The following SQLE variants were observed in gnomAD, a reference collection of about 807,000 sequenced individuals.
The protein encoded by SQLE is squalene monooxygenase.
In SQLE, 29 loss-of-function variants were observed where a neutral mutation model predicts 60.7. That is an observed-to-expected ratio of 0.48 (90% CI 0.36 to 0.65). The LOEUF is 0.65. Ranked by LOEUF, SQLE falls within the 30% of genes least tolerant of loss-of-function variation. The pLI is 0.00. For synonymous variants in SQLE, 237 were observed against 246.8 expected (o/e 0.96, Z 0.37); for missense variants, 605 against 684.1 (o/e 0.88, Z 1.29).
At chr8:125,000,222 A>C (rs889915115) in intron 1 of SQLE, among the ~76,000 whole-genome samples, 3 of 152,206 alleles carry the variant, frequency 2.0e-5, no homozygotes, top group South Asian at 4.1e-4. Flanking sequence ...AAATGCTTGT[A>C]GTAATGTCCT....
chr8:125,005,838 ACTGT>A (rs1251952706), intron 3 of SQLE, 133 bp downstream of exon 3: 9 of 615,666 alleles, frequency 1.5e-5, no homozygotes, highest in Admixed American at 4.2e-5. Context: ...ATTAAAATAA[ACTGT>A]CAGTCAAAAG....
chr8:125,012,516 G>A (rs1815053111), intron 7 of SQLE, among the ~76,000 whole-genome samples: 2 of 152,188 alleles, frequency 1.3e-5, no homozygotes, highest in African/African-American at 2.4e-5. Context: ...GTATAGTAAA[G>A]CCCTTTGGAA....
At position 125,005,521 on chromosome 8, in the gene SQLE, G is replaced by A. The variant is rs75209191; in HGVS notation, c.545-4G>A. 567 of 1,579,460 alleles carry A rather than the reference G, an allele frequency of 3.6e-4. 1 individual carries two copies. The African/African-American group carries it at 5.4e-3, about 15-fold the overall frequency. On this transcript the variant is annotated splice_polypyrimidine_tract_variant and splice_region_variant and intron_variant, in intron 2 of 10. Transcript: ENST00000265896. ...TGATTGTTTTGAACTCGATTGCTTT[G>A]CAGATACAGTGGAAGGTCTTGATGC...
chr8:125,018,763 T>C lies in SQLE; in HGVS notation c.1444+36T>C, dbSNP rs139683478. 181 of 1,343,260 alleles carry C rather than the reference T, an allele frequency of 1.3e-4. 1 individual carries two copies. In the African/African-American group the frequency reaches 2.0e-3, roughly 15 times the overall value. 83.2% of individuals were successfully genotyped at this position (1,343,260 alleles called of 1,614,324 possible). ...ACACTTTTTAGTGAATATTACTCAA[T>C]TGCAGATTTTTAGCGTAGGAAAGGA... is the stretch of plus-strand genomic sequence containing the variant. On this transcript the variant is annotated intron_variant, in intron 9 of 10. Transcript: ENST00000265896.
At position 124,998,810 on chromosome 8, in the gene SQLE, T is replaced by TCGGCGC. The variant is rs1423391152; in HGVS notation, c.-594_-593insCGGCGC. 8.1e-6 allele frequency: 4 copies of TCGGCGC among 495,876 alleles called. No homozygotes were observed. In the African/African-American group the frequency reaches 8.1e-5, roughly 10 times the overall value. 30.7% of individuals were successfully genotyped at this position (495,876 alleles called of 1,614,324 possible). On this transcript the variant is annotated 5_prime_UTR_variant, in exon 1 of 11. Coordinates refer to ENST00000265896, the MANE Select transcript of SQLE (RefSeq NM_003129.4). The stretch of plus-strand genomic sequence containing the variant: ...TCTTTTGTTGGAGAAGGCGTCGGCG[T>TCGGCGC]TGGCGTTTTCCCGAGGTTGGGCTGT...
Position 125,013,356 on chromosome 8 carries a change from C to CTTTTTCTTTTTTTTTTTTTTTTTTT in SQLE, c.1204+1729_1204+1730insCTTTTTTTTTTTTTTTTTTTTTTTT, listed in dbSNP as rs71576761. The stretch of plus-strand genomic sequence containing the variant: ...AGATTTACTCCTATGTTTTCTTTTT[C>CTTTTTCTTTTTTTTTTTTTTTTTTT]TTTTTTTTTTTTTGAGATGGAGTTT... On this transcript the variant is annotated intron_variant, in intron 7 of 10. Coordinates refer to ENST00000265896, the MANE Select transcript of SQLE (RefSeq NM_003129.4). 5.1e-5 allele frequency among the ~76,000 whole-genome samples: 7 copies of CTTTTTCTTTTTTTTTTTTTTTTTTT among 136,442 alleles called. 1 individual carries two copies. Among genetic ancestry groups the CTTTTTCTTTTTTTTTTTTTTTTTTT allele is most frequent in the African/African-American group, 1.7e-4 (6 of 35,130 alleles). 89.5% of individuals were successfully genotyped at this position (136,442 alleles called of 152,430 possible).
chr8:125,002,971 GA>G (rs1814880948), intron 1 of SQLE, among the ~76,000 whole-genome samples: 1 of 152,190 alleles, frequency 6.6e-6, no homozygotes, highest in Admixed American at 6.5e-5. Context: ...GGGATAATAT[GA>G]CACACTTTTA....
In SQLE at chr8:125,011,968, A is replaced by C. The variant is rs1046676849; in HGVS notation, c.1204+336A>C. ...AAGAAGTGTGCAGAGCAGGGAGGGA[A>C]GCTTGTGAAATGGGAGGGGTAGTTA... On this transcript the variant is annotated intron_variant, in intron 7 of 10. Transcript: ENST00000265896. 4.0e-5 allele frequency among the ~76,000 whole-genome samples: 6 copies of C among 151,570 alleles called. No homozygotes were observed. In the East Asian group the frequency reaches 1.2e-3, roughly 29 times the overall value.
At chr8:124,999,853 C>T in intron 1 of SQLE, 159 bp downstream of exon 1, 3 of 925,678 alleles carry the variant, frequency 3.2e-6, no homozygotes, top group Non-Finnish European at 4.8e-6. Context: ...GCCTTGGTTA[C>T]ATCTTTGACC....
rs180678646 is a variant in SQLE at position 125,016,379 on chromosome 8, A to G, written c.1205-1680A>G. ...TTCTTTCTTCTGCTTGATCAGTTCT[A>G]CTGTTGAGATTCTGCCATGTTCTTC... On this transcript the variant is annotated intron_variant, in intron 7 of 10. Transcript: ENST00000265896. This position sits in a 1 kb window ranked among gnomAD's most constrained non-coding sequence, Gnocchi z 4.1. Among the ~76,000 whole-genome samples the G allele has an allele frequency of 1.8e-4, 28 of 151,896 alleles. No individual in the cohort carries two copies. Among genetic ancestry groups the G allele is most frequent in the Admixed American group, 1.4e-3 (21 of 15,262 alleles).
intron 1 of SQLE, chr8:124,999,941 A>G: frequency 1.5e-6 from 1 of 670,110 alleles, no homozygotes; most frequent in Non-Finnish European, 2.7e-6. Context: ...TTTGATTATG[A>G]AAGATGGAAC....
intron 2 of SQLE, 126 bp downstream of exon 2, chr8:125,003,554 TA>T: frequency 8.5e-7 from 1 of 1,181,598 alleles, no homozygotes; most frequent in Non-Finnish European, 1.2e-6. Flanking sequence ...TATACTCATT[TA>T]CCAACAAATT....
chr8:125,013,563 G>A (rs982210392), intron 7 of SQLE, among the ~76,000 whole-genome samples: 1 of 151,970 alleles, frequency 6.6e-6, no homozygotes, highest in Non-Finnish European at 1.5e-5. Flanking sequence ...ATGTTGGCCA[G>A]GCTGGTCTCA....
chr8:125,021,290 A>G (rs1020671355), intron 10 of SQLE, among the ~76,000 whole-genome samples: 2 of 152,172 alleles, frequency 1.3e-5, no homozygotes, highest in African/African-American at 2.4e-5. Context: ...AGTGAAATCT[A>G]TCGAGTTATT....
At chr8:125,006,139 CTT>C (rs1351082338) in intron 3 of SQLE, among the ~76,000 whole-genome samples, 6 of 152,052 alleles carry the variant, frequency 3.9e-5, no homozygotes, top group African/African-American at 1.5e-4. Flanking sequence ...GGCTTCTTCT[CTT>C]GTTTATTAAC....
rs1481133271 is a variant in SQLE at position 125,021,785 on chromosome 8, A to G, written c.1565A>G (p.His522Arg). 4 of 1,607,532 alleles carry G rather than the reference A, an allele frequency of 2.5e-6. No homozygotes were observed. Among genetic ancestry groups the G allele is most frequent in the Non-Finnish European group, 3.4e-6 (4 of 1,176,610 alleles). The change falls in exon 11 of 11, where the codon CAC becomes CGC. Residue 522 changes from histidine (H) to arginine (R), a missense_variant. His to Arg is a conservative substitution (Grantham distance 29, BLOSUM62 0). Transcript: ENST00000265896. ...CCTAACCCTCTAGTTTTAATTGGAC[A>G]CTTCTTTGCTGTTGCAATCTATGCC... is the stretch of plus-strand genomic sequence containing the variant. ...LSPNPLVLIG[H>R]FFAVAIYAVY...
At chr8:125,006,799 A>G (rs539034715) in intron 3 of SQLE, among the ~76,000 whole-genome samples, 92 of 150,158 alleles carry the variant, frequency 6.1e-4, no homozygotes, top group African/African-American at 2.1e-3. Flanking sequence ...CTGCCTCCCG[A>G]GTTCAAGCAA....
intron 9 of SQLE, among the ~76,000 whole-genome samples, chr8:125,020,224 A>T (rs1370916649): frequency 6.6e-6 from 1 of 152,236 alleles, no homozygotes; most frequent in African/African-American, 2.4e-5. Flanking sequence ...ATCTGTTGTA[A>T]AGAAAAATCT....
At chr8:125,000,673 C>T (rs2129867461) in intron 1 of SQLE, among the ~76,000 whole-genome samples, 1 of 151,958 alleles carries the variant, frequency 6.6e-6, no homozygotes. Flanking sequence ...AGGCTGGTCT[C>T]GAACTCCTGA....
Sources: gnomAD v4.1 joint callset for allele counts (sites outside exome capture counted in the v4.1 genomes callset) on GRCh38, gnomAD v4.1.1 for gene constraint, Gnocchi (gnomAD v3.1) non-coding constraint, MANE v1.5 for transcripts, NCBI Gene and HGNC (gene_info 2026-07-23, HGNC 2026-07-21) for gene names.